Variants in GALNTL6 observed in about 807,000 individuals in gnomAD.
GALNTL6 encodes polypeptide N-acetylgalactosaminyltransferase like 6, also known as polypeptide N-acetylgalactosaminyltransferase-like 6.
A neutral mutation model predicts 73.7 loss-of-function variants in GALNTL6; 46 were observed. The ratio of observed to expected loss-of-function variants is 0.62; its 90% CI spans 0.49 to 0.80. GALNTL6 has a LOEUF of 0.80. GALNTL6 is among the 30% of genes least tolerant of loss of function. The probability of loss-of-function intolerance (pLI) is 0.00; values close to 1 mark genes in which losing one functional copy is unlikely to be tolerated. For synonymous variants in GALNTL6, 259 were observed against 263.7 expected (o/e 0.98, Z 0.17); for missense variants, 604 against 755.0 (o/e 0.80, Z 2.34).
At chr4:172,611,960 ACTT>A (rs1738542119) in intron 5 of GALNTL6, among the ~76,000 whole-genome samples, 1 of 152,122 alleles carries the variant, frequency 6.6e-6, no homozygotes, top group Non-Finnish European at 1.5e-5. Context: ...TTAAACCTTG[ACTT>A]CTTCTATTTA....
In GALNTL6 at chr4:172,426,346, G is replaced by GT. The variant is rs1463735241; in HGVS notation, c.553+77664dup. Among the ~76,000 whole-genome samples the GT allele has an allele frequency of 9.4e-5, 14 of 148,276 alleles. 1 individual carries two copies. In the South Asian group the frequency reaches 1.9e-3, roughly 21 times the overall value. On this transcript the variant is annotated intron_variant, in intron 5 of 12. Transcript: ENST00000506823. ...TGGTGAATCTGTAGTCCATAGCAGAGTTTTTTTAATAACAATAAATAGTAA... is the reference window on the plus strand; with the variant it reads ...TGGTGAATCTGTAGTCCATAGCAGAGTTTTTTTTAATAACAATAAATAGTAA...
chr4:172,136,086 T>C (rs576966555), intron 2 of GALNTL6, among the ~76,000 whole-genome samples: 1 of 152,276 alleles, frequency 6.6e-6, no homozygotes, highest in South Asian at 2.1e-4. Flanking sequence ...GCCAGACTCA[T>C]ACAAAAGTTT....
chr4:172,502,408 T>C (rs1734291824), intron 5 of GALNTL6, among the ~76,000 whole-genome samples: 1 of 152,222 alleles, frequency 6.6e-6, no homozygotes, highest in African/African-American at 2.4e-5. Context: ...CTTCAAGTTA[T>C]AACTATGGTG....
chr4:171,864,500 A>C (rs1326195222), intron 2 of GALNTL6, among the ~76,000 whole-genome samples: 1 of 152,222 alleles, frequency 6.6e-6, no homozygotes, highest in African/African-American at 2.4e-5. Context: ...CTATAGTGTA[A>C]CAAAATAACA....
intron 2 of GALNTL6, among the ~76,000 whole-genome samples, chr4:172,034,374 T>A (rs1741864543): frequency 6.6e-6 from 1 of 150,806 alleles, no homozygotes; most frequent in Non-Finnish European, 1.5e-5. Context: ...TGGGTATCTA[T>A]TCTTCCTTAA....
At chr4:172,103,554 A>G (rs1732583797) in intron 2 of GALNTL6, among the ~76,000 whole-genome samples, 2 of 152,192 alleles carry the variant, frequency 1.3e-5, no homozygotes, top group Non-Finnish European at 2.9e-5. Context: ...GCAATTTAAG[A>G]TATACACACA....
At chr4:172,266,891 T>G (rs1738470500) in intron 3 of GALNTL6, among the ~76,000 whole-genome samples, 1 of 152,054 alleles carries the variant, frequency 6.6e-6, no homozygotes, top group Non-Finnish European at 1.5e-5. Flanking sequence ...AATCCCCAAA[T>G]TATAAACTAT....
intron 5 of GALNTL6, among the ~76,000 whole-genome samples, chr4:172,515,816 G>C (rs1203043581): frequency 1.3e-5 from 2 of 152,128 alleles, no homozygotes; most frequent in Non-Finnish European, 2.9e-5. Flanking sequence ...AAAATTTAGG[G>C]CCTCAGTTCT....
rs561798401 is a variant in GALNTL6 at position 172,007,442 on chromosome 4, C to T, written c.138+192724C>T. ...TAATATATATTATAAAAACTATAAG[C>T]AGCGATGACAAAAAAAGAATACAGA... On this transcript the variant is annotated intron_variant, in intron 2 of 12. Transcript: ENST00000506823. 4.0e-5 allele frequency among the ~76,000 whole-genome samples: 6 copies of T among 151,782 alleles called. No homozygotes were observed. In the South Asian group the frequency reaches 8.3e-4, roughly 21 times the overall value.
intron 8 of GALNTL6, among the ~76,000 whole-genome samples, chr4:172,901,870 G>A (rs2653825): frequency 0.26 from 39,224 of 151,974 alleles, 6,915 homozygotes; most frequent in African/African-American, 0.5. Context: ...TGAGAAAATG[G>A]GCTCTCTGGA....
chr4:173,034,178 C>T (rs1280092493), intron 12 of GALNTL6, among the ~76,000 whole-genome samples: 1 of 152,174 alleles, frequency 6.6e-6, no homozygotes, highest in Non-Finnish European at 1.5e-5. Flanking sequence ...CCAACTCATC[C>T]CCATTGGTCT....
intron 2 of GALNTL6, among the ~76,000 whole-genome samples, chr4:171,941,358 T>C (rs1245283149): frequency 6.6e-6 from 1 of 152,248 alleles, no homozygotes; most frequent in African/African-American, 2.4e-5. Context: ...TAGGAAACCA[T>C]TAACCTTGCA....
At chr4:172,338,481 C>T (rs1056377280) in intron 4 of GALNTL6, among the ~76,000 whole-genome samples, 1 of 152,098 alleles carries the variant, frequency 6.6e-6, no homozygotes, top group African/African-American at 2.4e-5. Flanking sequence ...CCCTCTACCC[C>T]CTTCCTGGGG....
At chr4:172,538,016 A>C (rs1735408893) in intron 5 of GALNTL6, among the ~76,000 whole-genome samples, 1 of 152,208 alleles carries the variant, frequency 6.6e-6, no homozygotes, top group Non-Finnish European at 1.5e-5. Context: ...GCAGGGGTAC[A>C]GATTATTAAG....
At chr4:172,880,940 G>T (rs1046673248) in intron 7 of GALNTL6, among the ~76,000 whole-genome samples, 1 of 152,100 alleles carries the variant, frequency 6.6e-6, no homozygotes, top group African/African-American at 2.4e-5. Flanking sequence ...ACTCAATTTA[G>T]AATTTTTCTT....
chr4:172,284,265 AT>A (rs1739172166), intron 3 of GALNTL6, among the ~76,000 whole-genome samples: 1 of 152,200 alleles, frequency 6.6e-6, no homozygotes. Context: ...GAAACTAGAG[AT>A]TTTAATGATT....
intron 5 of GALNTL6, among the ~76,000 whole-genome samples, chr4:172,513,283 T>A (rs571971136): frequency 6.6e-6 from 1 of 152,334 alleles, no homozygotes; most frequent in East Asian, 1.9e-4. Context: ...TCTCTAAGTA[T>A]GTCCTTTATT....
At position 172,881,475 on chromosome 4, in the gene GALNTL6, C is replaced by T. The variant is rs979692725; in HGVS notation, c.924-1315C>T. Among the ~76,000 whole-genome samples the T allele has an allele frequency of 2.6e-5, 4 of 152,170 alleles. No homozygotes were observed. The South Asian group carries it at 8.3e-4, about 32-fold the overall frequency. ...CTACACCTTCAAAACAATTCCTAGACTGAAGTAATTAAATCAAGTACCATC... is the reference window on the plus strand; with the variant it reads ...CTACACCTTCAAAACAATTCCTAGATTGAAGTAATTAAATCAAGTACCATC... On this transcript the variant is annotated intron_variant, in intron 7 of 12. Transcript: ENST00000506823.
At chr4:172,959,637 C>A (rs886656252) in intron 10 of GALNTL6, among the ~76,000 whole-genome samples, 1 of 151,976 alleles carries the variant, frequency 6.6e-6, no homozygotes, top group East Asian at 1.9e-4. Context: ...CAGTCTTCAG[C>A]CGCTAAGCTG....
Sources: gnomAD v4.1 joint callset for allele counts (sites outside exome capture counted in the v4.1 genomes callset) on GRCh38, gnomAD v4.1.1 for gene constraint, MANE v1.5 for transcripts, NCBI Gene and HGNC (gene_info 2026-07-23, HGNC 2026-07-21) for gene names.